BLK: variants seen among roughly 807,000 people sequenced by gnomAD.
BLK encodes tyrosine-protein kinase Blk.
BLK carries 64 observed loss-of-function variants against 61.8 expected under a neutral mutation model. The ratio of observed to expected loss-of-function variants is 1.03; its 90% CI spans 0.85 to 1.27. The LOEUF (loss-of-function observed/expected upper bound fraction) is 1.27, where lower values mean the gene tolerates loss of function less well. Among genes scored for constraint, BLK ranks in the 50% most tolerant of loss-of-function variants. BLK has a pLI of 0.00. For synonymous variants in BLK, 351 were observed against 272.0 expected (o/e 1.29, Z -2.86); for missense variants, 853 against 660.5 (o/e 1.29, Z -3.19).
At chr8:11,559,207 G>A (rs1020989784) in intron 10 of BLK, among the ~76,000 whole-genome samples, 10 of 152,238 alleles carry the variant, frequency 6.6e-5, no homozygotes, top group African/African-American at 2.4e-4. Flanking sequence ...AATCGGGGGT[G>A]AGGAGCCAGA....
Position 11,564,021 on chromosome 8 carries a change from C to T in BLK, c.1431C>T (p.Pro477=), listed in dbSNP as rs769629665. 1 of 1,604,588 alleles carries T rather than the reference C, an allele frequency of 6.2e-7. No individual in the cohort carries two copies. The highest frequency in any genetic ancestry group is 1.3e-5 in the African/African-American group (1 of 74,896). ...TCGCCGAGTGCTGGCGCAGCCGGCCCGAGGAGCGGCCCACCTTCGAGTTCC... is the reference window on the plus strand; with the variant it reads ...TCGCCGAGTGCTGGCGCAGCCGGCCTGAGGAGCGGCCCACCTTCGAGTTCC... The part of the protein sequence containing the change: ...GVIAECWRSR[P]EERPTFEFLQ... Residue 477 remains proline (P), a synonymous_variant, in exon 13 of 13, where the codon CCC becomes CCT. Transcript: ENST00000259089.
chr8:11,527,936 G>A (rs1799729013), intron 1 of BLK, among the ~76,000 whole-genome samples: 1 of 152,090 alleles, frequency 6.6e-6, no homozygotes, highest in South Asian at 2.1e-4. Context: ...GCAGAATTCA[G>A]GTCCCCCCAT....
intron 1 of BLK, among the ~76,000 whole-genome samples, chr8:11,535,296 G>A (rs928375722): frequency 7.0e-6 from 1 of 143,470 alleles, no homozygotes; most frequent in African/African-American, 2.5e-5. Context: ...AAGAAAGAAA[G>A]AAAGAAAGAA....
At chr8:11,511,284 G>C (rs1798995960) in intron 1 of BLK, among the ~76,000 whole-genome samples, 1 of 152,116 alleles carries the variant, frequency 6.6e-6, no homozygotes, top group African/African-American at 2.4e-5. Flanking sequence ...CACACACCGG[G>C]GCCTGTTGTG....
intron 2 of BLK, among the ~76,000 whole-genome samples, chr8:11,544,506 G>A (rs985737414): frequency 1.3e-4 from 20 of 152,144 alleles, no homozygotes; most frequent in Non-Finnish European, 2.5e-4. Flanking sequence ...CAGTCTCAGC[G>A]CACAACCACA....
intron 1 of BLK, among the ~76,000 whole-genome samples, chr8:11,503,321 G>A (rs555084937): frequency 4.1e-4 from 63 of 152,296 alleles, no homozygotes; most frequent in Admixed American, 1.4e-3. Context: ...GATCTTGGAT[G>A]GGAGCTTGTG....
At chr8:11,512,208 G>A (rs1799037988) in intron 1 of BLK, among the ~76,000 whole-genome samples, 1 of 152,212 alleles carries the variant, frequency 6.6e-6, no homozygotes, top group Non-Finnish European at 1.5e-5. Flanking sequence ...GACTTAATGG[G>A]TACAGAGTTG....
intron 1 of BLK, among the ~76,000 whole-genome samples, chr8:11,524,809 G>T (rs1360880272): frequency 1.3e-5 from 2 of 151,878 alleles, no homozygotes; most frequent in African/African-American, 4.8e-5. Flanking sequence ...CCCCTCACAG[G>T]TTGCTGCAGA....
chr8:11,554,608 C>G, intron 6 of BLK, 135 bp from the exon 7 acceptor site: 1 of 1,085,914 alleles, frequency 9.2e-7, no homozygotes, highest in Non-Finnish European at 1.4e-6. Context: ...GGAAAGGAAA[C>G]TTGTGGAGGG....
chr8:11,499,095 G>C (rs531321748), intron 1 of BLK, among the ~76,000 whole-genome samples: 1 of 152,188 alleles, frequency 6.6e-6, no homozygotes. Flanking sequence ...ATAAGATTTC[G>C]GTCAATCACA....
chr8:11,560,272 TG>T (rs1235936162), intron 10 of BLK: 1 of 192,486 alleles, frequency 5.2e-6, no homozygotes, highest in African/African-American at 2.5e-5. Flanking sequence ...GGTGGGTGGA[TG>T]GATGGATGGA....
chr8:11,562,982 C>A lies in BLK; in HGVS notation c.1184C>A (p.Ala395Asp). ...GCTTGCATGGCTTTTCCCACAGGGG[C>A]CAAGTTCCCCATCAAGTGGACAGCC... is the stretch of plus-strand genomic sequence containing the variant. ...IDSEYTAQEG[A>D]KFPIKWTAPE... is the part of the protein sequence containing the mutation. The change falls in exon 12 of 13, where the codon GCC becomes GAC. Residue 395 changes from alanine (A) to aspartate (D), a missense_variant. Ala to Asp is a moderately radical substitution (Grantham distance 126). Coordinates refer to ENST00000259089, the MANE Select transcript of BLK (RefSeq NM_001715.3). The A allele has an allele frequency of 6.2e-7, 1 of 1,614,082 alleles. No homozygotes were observed. The highest frequency in any genetic ancestry group is 1.1e-5 in the South Asian group (1 of 91,090).
At chr8:11,504,638 G>T (rs187954729) in intron 1 of BLK, among the ~76,000 whole-genome samples, 4 of 152,318 alleles carry the variant, frequency 2.6e-5, no homozygotes, top group Middle Eastern at 3.4e-3. Flanking sequence ...GGGGCTACTA[G>T]CTCAGGCTAC....
intron 1 of BLK, among the ~76,000 whole-genome samples, chr8:11,505,203 C>G (rs1177447436): frequency 6.6e-6 from 1 of 152,216 alleles, no homozygotes; most frequent in Non-Finnish European, 1.5e-5. Context: ...CAAATAAATT[C>G]TGTGCCATAA....
At chr8:11,518,343 A>G (rs1799308052) in intron 1 of BLK, among the ~76,000 whole-genome samples, 1 of 152,168 alleles carries the variant, frequency 6.6e-6, no homozygotes, top group Non-Finnish European at 1.5e-5. Context: ...TTTGCAATGC[A>G]TTCACTTTTT....
At chr8:11,546,618 C>G (rs1800658169) in intron 3 of BLK, among the ~76,000 whole-genome samples, 1 of 152,158 alleles carries the variant, frequency 6.6e-6, no homozygotes, top group Non-Finnish European at 1.5e-5. Flanking sequence ...TCTTGTCACC[C>G]AGGCTGCAGT....
chr8:11,526,063 G>A (rs961466294), intron 1 of BLK, among the ~76,000 whole-genome samples: 22 of 152,076 alleles, frequency 1.4e-4, no homozygotes, highest in Admixed American at 4.6e-4. Context: ...GTGAGCCACC[G>A]CACCCAGCTG....
intron 3 of BLK, among the ~76,000 whole-genome samples, chr8:11,547,243 T>C (rs1380818420): frequency 6.6e-6 from 1 of 152,236 alleles, no homozygotes; most frequent in East Asian, 1.9e-4. Context: ...GGAACCACTG[T>C]CACCCATTCT....
chr8:11,560,177 GGATGCATGGATGGATGGA>G, intron 10 of BLK, among the ~76,000 whole-genome samples: 2 of 58,910 alleles, frequency 3.4e-5, no homozygotes, highest in South Asian at 7.2e-4. Context: ...GTGGATGGAT[GGATGCATGGATGGATGGA>G]TGGATGGATG....
Sources: allele counts gnomAD v4.1 joint callset (sites outside exome capture counted in the v4.1 genomes callset), GRCh38; gene constraint gnomAD v4.1.1; transcripts MANE v1.5; gene names NCBI Gene and HGNC (gene_info 2026-07-23, HGNC 2026-07-21).